Variants in EPM2A observed in about 807,000 individuals in gnomAD.
The protein encoded by EPM2A is laforin.
Under a neutral mutation model 26.5 loss-of-function variants are expected in EPM2A, and 21 were observed. The ratio of observed to expected loss-of-function variants is 0.79; its 90% CI spans 0.56 to 1.14. The LOEUF (loss-of-function observed/expected upper bound fraction) is 1.14, where lower values mean the gene tolerates loss of function less well. EPM2A is among the 50% of genes most tolerant of loss of function. The probability of loss-of-function intolerance (pLI) is 0.00; values close to 1 mark genes in which losing one functional copy is unlikely to be tolerated. For synonymous variants in EPM2A, 217 were observed against 177.6 expected (o/e 1.22, Z -1.76); for missense variants, 458 against 440.8 (o/e 1.04, Z -0.35).
At chr6:145,691,799 TGAAC>T (rs746642800) in intron 1 of EPM2A, among the ~76,000 whole-genome samples, 10 of 151,910 alleles carry the variant, frequency 6.6e-5, no homozygotes, top group African/African-American at 2.4e-4. Flanking sequence ...TGTTCAATTA[TGAAC>T]CAGACATGCC....
chr6:145,454,164 C>T (rs1469859826), intron 4 of EPM2A, among the ~76,000 whole-genome samples: 2 of 152,168 alleles, frequency 1.3e-5, no homozygotes, highest in Non-Finnish European at 2.9e-5. Flanking sequence ...TATTCAGGTG[C>T]TCCTGTTTTC....
intron 4 of EPM2A, among the ~76,000 whole-genome samples, chr6:145,414,790 G>A (rs1778686135): frequency 6.6e-6 from 1 of 152,078 alleles, no homozygotes. Flanking sequence ...TCTCCTCACT[G>A]GACTTCCTGC....
At chr6:145,388,120 G>A (rs1334624526) in intron 4 of EPM2A, among the ~76,000 whole-genome samples, 1 of 152,134 alleles carries the variant, frequency 6.6e-6, no homozygotes. Flanking sequence ...CTGAAACAAA[G>A]ATGGCAGGAG....
At chr6:145,621,794 G>T (rs1430053069), downstream of EPM2A, among the ~76,000 whole-genome samples, 1 of 151,972 alleles carries the variant, frequency 6.6e-6, no homozygotes, top group Non-Finnish European at 1.5e-5. Context: ...TGAGTTATTT[G>T]TTCTTTTGCT....
chr6:145,640,430 C>T (rs1404356957), intron 2 of EPM2A: 2 of 152,140 alleles, frequency 1.3e-5, no homozygotes, highest in South Asian at 4.1e-4. Flanking sequence ...ATGGAACCAG[C>T]TTTTGTTTAT....
intron 2 of EPM2A, among the ~76,000 whole-genome samples, chr6:145,598,944 T>C (rs939562565): frequency 2.6e-5 from 4 of 152,222 alleles, no homozygotes; most frequent in African/African-American, 9.6e-5. Flanking sequence ...CTGGGATCTC[T>C]ATTCTGTTTC....
At chr6:145,600,376 A>G (rs1335039057) in intron 2 of EPM2A, among the ~76,000 whole-genome samples, 1 of 152,154 alleles carries the variant, frequency 6.6e-6, no homozygotes, top group East Asian at 1.9e-4. Flanking sequence ...ATGATAGCAG[A>G]GTTTTTCACT....
At chr6:145,537,979 C>T (rs1469907037) in intron 2 of EPM2A, among the ~76,000 whole-genome samples, 2 of 152,260 alleles carry the variant, frequency 1.3e-5, no homozygotes, top group East Asian at 3.9e-4. Flanking sequence ...ATATGTGCCA[C>T]ATTTTCTTTA....
chr6:145,616,036 G>A (rs763196698), intron 2 of EPM2A, among the ~76,000 whole-genome samples: 6 of 152,214 alleles, frequency 3.9e-5, no homozygotes, highest in Non-Finnish European at 7.3e-5. Flanking sequence ...CATAAGTAAT[G>A]AGGAACCAAA....
intron 2 of EPM2A, among the ~76,000 whole-genome samples, chr6:145,671,851 A>T (rs1477653034): frequency 6.6e-6 from 1 of 152,202 alleles, no homozygotes; most frequent in African/African-American, 2.4e-5. Context: ...TTTACAATAC[A>T]TTTTCTAAAC....
intron 2 of EPM2A, among the ~76,000 whole-genome samples, chr6:145,530,419 T>G (rs1022143423): frequency 2.0e-5 from 3 of 152,224 alleles, no homozygotes; most frequent in African/African-American, 7.2e-5. Flanking sequence ...TACTGAACTG[T>G]GCTAACTAGG....
intron 2 of EPM2A, among the ~76,000 whole-genome samples, chr6:145,505,525 T>A (rs939498296): frequency 1.3e-4 from 18 of 133,720 alleles, no homozygotes; most frequent in African/African-American, 4.9e-4. Flanking sequence ...AAAATTAAGA[T>A]GTTAACAATA....
At chr6:145,477,845 A>T (rs1562351090) in intron 4 of EPM2A, among the ~76,000 whole-genome samples, 2 of 151,840 alleles carry the variant, frequency 1.3e-5, no homozygotes, top group Non-Finnish European at 3.0e-5. Flanking sequence ...GGAGAAACTA[A>T]AAGCCTTTCC....
chr6:145,728,128 G>A (rs1776303749), intron 1 of EPM2A, among the ~76,000 whole-genome samples: 1 of 152,194 alleles, frequency 6.6e-6, no homozygotes, highest in Non-Finnish European at 1.5e-5. Context: ...ACAGCCTGGA[G>A]AATCATAAGT....
intron 2 of EPM2A, among the ~76,000 whole-genome samples, chr6:145,684,256 G>A (rs1197494797): frequency 6.6e-6 from 1 of 152,004 alleles, no homozygotes; most frequent in African/African-American, 2.4e-5. Flanking sequence ...AATCCAAGAG[G>A]TCCAACATCC....
At chr6:145,549,773 T>G (rs986593445) in intron 2 of EPM2A, among the ~76,000 whole-genome samples, 11 of 152,126 alleles carry the variant, frequency 7.2e-5, no homozygotes, top group African/African-American at 2.7e-4. Flanking sequence ...CAGTGTCCTC[T>G]GTCCCAAAAC....
chr6:145,727,786 AT>A (rs1268481228), intron 1 of EPM2A, among the ~76,000 whole-genome samples: 1 of 152,076 alleles, frequency 6.6e-6, no homozygotes, highest in East Asian at 1.9e-4. Flanking sequence ...CACTACCCTA[AT>A]TTTTTTCAGG....
At chr6:145,683,410 A>G (rs181448084) in intron 2 of EPM2A, among the ~76,000 whole-genome samples, 24 of 150,162 alleles carry the variant, frequency 1.6e-4, no homozygotes, top group African/African-American at 5.8e-4. Flanking sequence ...ATACATTTTA[A>G]TATATTACTA....
rs909674320 is a variant in EPM2A, at chr6:145,629,512, T to C, written c.719-1819A>G. The C allele has an allele frequency of 8.5e-5, 13 of 152,272 alleles. No individual in the cohort carries two copies. The East Asian group carries it at 1.5e-3, about 18-fold the overall frequency. 9.4% of individuals were successfully genotyped at this position (152,272 alleles called of 1,614,324 possible). A position where few individuals can be genotyped will look rare whatever the true frequency, so the allele number is the denominator to read the frequency against. On this transcript the variant is annotated intron_variant, in intron 3 of 3. Transcript: ENST00000367519. ...AGCATGTCTCAGGGAGAGCACTGCA[T>C]GGCAGATCCACTATTTGCGCTGGGG...
Sources: allele counts gnomAD v4.1 joint callset (sites outside exome capture counted in the v4.1 genomes callset), GRCh38; gene constraint gnomAD v4.1.1; transcripts MANE v1.5; gene names NCBI Gene and HGNC (gene_info 2026-07-23, HGNC 2026-07-21).